ANKRD24: variants seen among roughly 807,000 people sequenced by gnomAD.
ANKRD24 encodes the protein ankyrin repeat domain-containing protein 24.
Under a neutral mutation model 127.8 loss-of-function variants are expected in ANKRD24, and 109 were observed. The observed-to-expected ratio is 0.85, with a 90% CI of 0.73 to 1.00. ANKRD24 has a LOEUF of 1.00. ANKRD24 is among the 50% of genes least tolerant of loss of function. ANKRD24 has a pLI of 0.00. For missense variants in ANKRD24, 1,648 were observed against 1,570.2 expected (o/e 1.05, Z -0.84); for synonymous variants, 743 against 671.1 (o/e 1.11, Z -1.66).
chr19:4,213,231 T>TTCCC (rs140927066), intron 15 of ANKRD24, among the ~76,000 whole-genome samples: 1 of 94,018 alleles, frequency 1.1e-5, no homozygotes, highest in Admixed American at 1.2e-4. Flanking sequence ...CCTTCCTTCC[T>TTCCC]TCCCTCCCTC....
chr19:4,224,536 A>C lies in ANKRD24; in HGVS notation c.*31A>C. ...GCCAGGCCCAGTGGCTACACTGACC[A>C]CACCCACGCAGGGACCTCACCCCCC... is the stretch of plus-strand genomic sequence containing the variant. On this transcript the variant is annotated 3_prime_UTR_variant, in exon 22 of 22. Coordinates refer to ENST00000318934, the MANE Select transcript of ANKRD24 (RefSeq NM_001393985.1). 1 of 1,584,616 alleles carries C rather than the reference A, an allele frequency of 6.3e-7. No homozygotes were observed. Among genetic ancestry groups the C allele is most frequent in the Admixed American group, 1.8e-5 (1 of 56,324 alleles).
chr19:4,191,551 G>C (rs1221554876), intron 2 of ANKRD24, among the ~76,000 whole-genome samples: 1 of 151,612 alleles, frequency 6.6e-6, no homozygotes, highest in African/African-American at 2.4e-5. Context: ...GCATGATCTC[G>C]GCTCACTGCA....
intron 17 of ANKRD24, 45 bp downstream of exon 17, chr19:4,216,447 G>T: frequency 6.4e-7 from 1 of 1,555,430 alleles, no homozygotes; most frequent in Non-Finnish European, 8.7e-7. Flanking sequence ...CCTAGGGCTG[G>T]TTCCCTGAGG....
rs532501180 is a variant in ANKRD24, at chr19:4,224,721, G to A, written c.*216G>A. 2.6e-4 allele frequency: 152 copies of A among 576,928 alleles called. No individual in the cohort carries two copies. In the African/African-American group the frequency reaches 2.7e-3, roughly 10 times the overall value. 35.7% of individuals were successfully genotyped at this position (576,928 alleles called of 1,614,324 possible). ...ACACTGGTCAGTCTGGACCCGGGCC[G>A]TGACTGCCCCTCCCCCACCACCGGA... On this transcript the variant is annotated 3_prime_UTR_variant, in exon 22 of 22. Transcript: ENST00000318934.
Position 4,217,764 on chromosome 19 carries a change from C to T in ANKRD24, c.2604C>T (p.Arg868=). 2 of 1,303,428 alleles carry T rather than the reference C, an allele frequency of 1.5e-6. No homozygotes were observed. Among genetic ancestry groups the T allele is most frequent in the Non-Finnish European group, 1.9e-6 (2 of 1,029,778 alleles). 80.7% of individuals were successfully genotyped at this position (1,303,428 alleles called of 1,614,324 possible). A position where few individuals can be genotyped will look rare whatever the true frequency, so the allele number is the denominator to read the frequency against. Residue 868 remains arginine, a synonymous_variant, in exon 18 of 22, where the codon CGC becomes CGT. Transcript: ENST00000318934. ...CCAGGGCCACGGGGGAGCAGCAGCG[C>T]ACGGCGGCCGCGGAACTGGGCCGGG... is the stretch of plus-strand genomic sequence containing the variant. ...ATARATGEQQ[R]TAAAELGRAR... is the part of the protein sequence containing the mutation.
chr19:4,201,202 G>A (rs1394054168), intron 5 of ANKRD24, among the ~76,000 whole-genome samples: 1 of 152,040 alleles, frequency 6.6e-6, no homozygotes, highest in African/African-American at 2.4e-5. Context: ...ATAAAAATGT[G>A]TGGCCAAAAG....
In ANKRD24 at chr19:4,195,435, G is replaced by A. The variant is rs772886416; in HGVS notation, c.37-4248G>A. Among the ~76,000 whole-genome samples the A allele has an allele frequency of 6.6e-6, 1 of 152,146 alleles. No homozygotes were observed. Among genetic ancestry groups the A allele is most frequent in the Non-Finnish European group, 1.5e-5 (1 of 68,016 alleles). On this transcript the variant is annotated intron_variant, in intron 2 of 21. Transcript: ENST00000318934. This position sits in a 1 kb window ranked among gnomAD's most constrained non-coding sequence, Gnocchi z 4.2. ...GTGTAGGAGACAGTTGGAAACTGAAGCCCTGAGCTGGGAGATCCGTTTCGG... is the reference window on the plus strand; with the variant it reads ...GTGTAGGAGACAGTTGGAAACTGAAACCCTGAGCTGGGAGATCCGTTTCGG...
rs1267273363 is a variant in ANKRD24 at position 4,201,861 on chromosome 19, G to C, written c.344-165G>C. Among the ~76,000 whole-genome samples the C allele has an allele frequency of 2.0e-5, 3 of 152,108 alleles. No individual in the cohort carries two copies. In the East Asian group the frequency reaches 5.8e-4, roughly 29 times the overall value. ...ATGATCACACTGCACTCTAGCCTGGGCCACAGAGCAAGATCCTTTCTGCAG... is the reference window on the plus strand; with the variant it reads ...ATGATCACACTGCACTCTAGCCTGGCCCACAGAGCAAGATCCTTTCTGCAG... On this transcript the variant is annotated intron_variant, in intron 5 of 21. Coordinates refer to ENST00000318934, the MANE Select transcript of ANKRD24 (RefSeq NM_001393985.1).
intron 13 of ANKRD24, 116 bp from the exon 14 acceptor site, chr19:4,212,359 T>C: frequency 8.0e-7 from 1 of 1,252,924 alleles, no homozygotes; most frequent in Non-Finnish European, 1.1e-6. Context: ...CAGTAGGTGC[T>C]GAATAGTTGC....
rs893938787 is a variant in ANKRD24 at position 4,224,537 on chromosome 19, C to A, written c.*32C>A. The A allele has an allele frequency of 1.9e-6, 3 of 1,584,138 alleles. No individual in the cohort carries two copies. Among genetic ancestry groups the A allele is most frequent in the Non-Finnish European group, 2.6e-6 (3 of 1,163,738 alleles). ...CCAGGCCCAGTGGCTACACTGACCA[C>A]ACCCACGCAGGGACCTCACCCCCCT... On this transcript the variant is annotated 3_prime_UTR_variant, in exon 22 of 22. Coordinates refer to ENST00000318934, the MANE Select transcript of ANKRD24 (RefSeq NM_001393985.1).
Position 4,207,275 on chromosome 19 carries a change from T to G in ANKRD24, c.500T>G (p.Leu167Arg). The part of the protein sequence containing the change: ...AGGCLSCSEV[L>R]CSFKAHLNPQ... ...GGCTGTCTCTCCTGCTCAGAGGTGC[T>G]CTGCTCCTTTAAGGCACATCTAAAC... Residue 167 changes from leucine to arginine, a missense_variant, in exon 8 of 22, where the codon CTC (leucine) becomes CGC (arginine). Coordinates refer to ENST00000318934, the MANE Select transcript of ANKRD24 (RefSeq NM_001393985.1). 6.2e-7 allele frequency: 1 copy of G among 1,613,804 alleles called. No individual in the cohort carries two copies. Among genetic ancestry groups the G allele is most frequent in the Non-Finnish European group, 8.5e-7 (1 of 1,179,848 alleles).
rs1009369109 is a variant in ANKRD24 at position 4,210,155 on chromosome 19, G to C, written c.951+17G>C. 5.0e-6 allele frequency: 8 copies of C among 1,596,958 alleles called. No individual in the cohort carries two copies. In the Admixed American group the frequency reaches 1.4e-4, roughly 28 times the overall value. ...CCCATGCCGGTGAGAGATGCTCTGG[G>C]CACGGGAGGAGGCATGGGGAGCCCC... On this transcript the variant is annotated intron_variant, in intron 12 of 21. Transcript: ENST00000318934.
intron 19 of ANKRD24, among the ~76,000 whole-genome samples, chr19:4,222,270 T>C (rs1375829195): frequency 6.6e-6 from 1 of 152,162 alleles, no homozygotes; most frequent in Non-Finnish European, 1.5e-5. Context: ...GCACCTGTAG[T>C]CCCAGCTACT....
chr19:4,198,334 C>A lies in ANKRD24; in HGVS notation c.37-1349C>A, dbSNP rs928074764. ...GGCGAGGAGGGCAAGGGGGAGGGGG[C>A]GGCACCAGGGAGGGCGGGACCGGGC... is the stretch of plus-strand genomic sequence containing the variant. On this transcript the variant is annotated intron_variant, in intron 2 of 21. Transcript: ENST00000318934. This position sits in a 1 kb window ranked among gnomAD's most constrained non-coding sequence, Gnocchi z 6.1. The A allele has an allele frequency of 4.7e-6, 1 of 212,998 alleles. No homozygotes were observed. Among genetic ancestry groups the A allele is most frequent in the African/African-American group, 3.2e-5 (1 of 31,480 alleles). The allele number at this position is 212,998 out of a possible 1,614,324, so 13.2% of individuals were successfully genotyped here. A position where few individuals can be genotyped will look rare whatever the true frequency, so the allele number is the denominator to read the frequency against.
At chr19:4,220,219 T>G (rs1277838547) in intron 19 of ANKRD24, among the ~76,000 whole-genome samples, 1 of 152,188 alleles carries the variant, frequency 6.6e-6, no homozygotes, top group East Asian at 1.9e-4. Context: ...GTGATCCGCC[T>G]GCCTCAGCCC....
At chr19:4,201,938 C>G (rs1969116386) in intron 5 of ANKRD24, 88 bp from the exon 6 acceptor site, 1 of 1,163,560 alleles carries the variant, frequency 8.6e-7, no homozygotes, top group African/African-American at 1.5e-5. Flanking sequence ...GACTCAGAAA[C>G]TCATCACAAG....
intron 1 of ANKRD24, chr19:4,183,366 A>C: frequency 3.0e-6 from 3 of 985,224 alleles, no homozygotes; most frequent in Non-Finnish European, 3.6e-6. Flanking sequence ...GGCCTGGAGG[A>C]CTCATTTAAG....
intron 2 of ANKRD24, among the ~76,000 whole-genome samples, chr19:4,190,700 G>A (rs954616635): frequency 6.6e-6 from 1 of 150,798 alleles, no homozygotes; most frequent in African/African-American, 2.4e-5. Flanking sequence ...GCCATTGCAC[G>A]ATTGCCCAGC....
rs367911384 is a variant in ANKRD24 at position 4,195,320 on chromosome 19, T to C, written c.37-4363T>C. ...AACTCCCCATCTCAGGTGATCTGCC[T>C]GCCTCAGCCTCCCAAAGTGCTGGGA... On this transcript the variant is annotated intron_variant, in intron 2 of 21. Coordinates refer to ENST00000318934, the MANE Select transcript of ANKRD24 (RefSeq NM_001393985.1). The surrounding 1 kb of genome is among the most constrained non-coding windows in gnomAD (Gnocchi z 4.2). Among the ~76,000 whole-genome samples the C allele has an allele frequency of 1.3e-4, 19 of 151,784 alleles. No individual in the cohort carries two copies. The South Asian group carries it at 1.7e-3, about 13-fold the overall frequency.
Sources: allele counts gnomAD v4.1 joint callset (sites outside exome capture counted in the v4.1 genomes callset), GRCh38; gene constraint gnomAD v4.1.1; non-coding constraint Gnocchi (gnomAD v3.1); transcripts MANE v1.5; gene names NCBI Gene and HGNC (gene_info 2026-07-23, HGNC 2026-07-21).